The following ZSWIM5 variants were observed in gnomAD, a reference collection of about 807,000 sequenced individuals.
ZSWIM5 encodes the protein zinc finger SWIM-type containing 5.
ZSWIM5 carries 55 observed loss-of-function variants against 119.6 expected under a neutral mutation model. The ratio of observed to expected loss-of-function variants is 0.46; its 90% CI spans 0.37 to 0.58. The LOEUF (loss-of-function observed/expected upper bound fraction) is 0.58, where lower values mean the gene tolerates loss of function less well. Among genes scored for constraint, ZSWIM5 ranks in the 20% least tolerant of loss-of-function variants. The pLI is 0.00. For synonymous variants in ZSWIM5, 537 were observed against 606.9 expected, an observed-to-expected ratio of 0.88 and a Z score of 1.69; for missense variants, 1,193 against 1,512.8, an observed-to-expected ratio of 0.79 and a Z score of 3.51.
At chr1:45,098,300 G>T (rs1232406609) in intron 1 of ZSWIM5, among the ~76,000 whole-genome samples, 2 of 152,082 alleles carry the variant, frequency 1.3e-5, no homozygotes, top group African/African-American at 2.4e-5. Context: ...ATATACAAAA[G>T]GTCACTAAAT....
intron 2 of ZSWIM5, among the ~76,000 whole-genome samples, chr1:45,065,586 C>T (rs1645177977): frequency 6.6e-6 from 1 of 152,166 alleles, no homozygotes; most frequent in South Asian, 2.1e-4. Context: ...GAGTTACTAA[C>T]AGTACAACTT....
At chr1:45,204,702 C>T (rs527550888) in intron 1 of ZSWIM5, among the ~76,000 whole-genome samples, 1 of 152,204 alleles carries the variant, frequency 6.6e-6, no homozygotes, top group South Asian at 2.1e-4. Flanking sequence ...CTAAAAACAA[C>T]CTCCCTTCAA....
At chr1:45,181,165 C>T (rs1646016438) in intron 1 of ZSWIM5, among the ~76,000 whole-genome samples, 1 of 151,988 alleles carries the variant, frequency 6.6e-6, no homozygotes, top group African/African-American at 2.4e-5. Flanking sequence ...AAACCAAAGG[C>T]AAAGAAGTTG....
chr1:45,058,669 G>T lies in ZSWIM5; in HGVS notation c.1192C>A (p.Leu398Ile), dbSNP rs765580868. The T allele has an allele frequency of 6.2e-7, 1 of 1,614,106 alleles. No individual in the cohort carries two copies. Among genetic ancestry groups the T allele is most frequent in the Non-Finnish European group, 8.5e-7 (1 of 1,180,050 alleles). The change falls in exon 4 of 14, where the codon CTC (leucine) becomes ATC (isoleucine). Residue 398 changes from leucine to isoleucine, a missense_variant. Leu to Ile is a conservative substitution (Grantham distance 5). Coordinates refer to ENST00000359600, the MANE Select transcript of ZSWIM5 (RefSeq NM_020883.2). Reference sequence around the variant, plus strand: ...ATGTTTGTTCCTTGCTGCCTCCAGAGTGTGAGTCGTGGGTCAGCCACAAAC... The same window carrying T: ...ATGTTTGTTCCTTGCTGCCTCCAGATTGTGAGTCGTGGGTCAGCCACAAAC... ...EQFVADPRLT[L>I]WRQQGTNMTD...
intron 1 of ZSWIM5, among the ~76,000 whole-genome samples, chr1:45,119,673 C>A (rs751004458): frequency 6.6e-6 from 1 of 152,180 alleles, no homozygotes; most frequent in African/African-American, 2.4e-5. Flanking sequence ...CACTCATCGT[C>A]AGTAGCTGTC....
intron 4 of ZSWIM5, among the ~76,000 whole-genome samples, chr1:45,056,163 G>A (rs1341581553): frequency 6.6e-6 from 1 of 152,158 alleles, no homozygotes; most frequent in Non-Finnish European, 1.5e-5. Flanking sequence ...AAAGAATGGA[G>A]GGGAGCAAAT....
At chr1:45,125,994 G>T (rs1645618835) in intron 1 of ZSWIM5, among the ~76,000 whole-genome samples, 1 of 151,928 alleles carries the variant, frequency 6.6e-6, no homozygotes, top group African/African-American at 2.4e-5. Flanking sequence ...CTTGAACCCA[G>T]GAGCTTGAGG....
At chr1:45,180,394 T>G (rs891164800) in intron 1 of ZSWIM5, among the ~76,000 whole-genome samples, 2 of 152,234 alleles carry the variant, frequency 1.3e-5, no homozygotes, top group African/African-American at 2.4e-5. Flanking sequence ...CGCCTGCCAT[T>G]GCCCAGGCTT....
chr1:45,100,522 C>T (rs947724917), intron 1 of ZSWIM5, among the ~76,000 whole-genome samples: 1 of 152,232 alleles, frequency 6.6e-6, no homozygotes, highest in Non-Finnish European at 1.5e-5. Flanking sequence ...CTACCAATGA[C>T]TTTCTTCACA....
At chr1:45,128,702 AAT>A (rs1645636355) in intron 1 of ZSWIM5, among the ~76,000 whole-genome samples, 1 of 152,196 alleles carries the variant, frequency 6.6e-6, no homozygotes, top group Admixed American at 6.5e-5. Flanking sequence ...ATAAATGCAT[AAT>A]GCCATGTATC....
chr1:45,028,651 G>A (rs1296412897), intron 11 of ZSWIM5, among the ~76,000 whole-genome samples: 1 of 152,048 alleles, frequency 6.6e-6, no homozygotes, highest in East Asian at 1.9e-4. Context: ...AGCTCCTCAG[G>A]AGGCTGAGGC....
chr1:45,201,762 C>T (rs1646159612), intron 1 of ZSWIM5, among the ~76,000 whole-genome samples: 1 of 152,116 alleles, frequency 6.6e-6, no homozygotes, highest in Non-Finnish European at 1.5e-5. Flanking sequence ...TGATAAATCA[C>T]CATTCGTCAC....
At chr1:45,026,521 G>A (rs1174688166) in intron 11 of ZSWIM5, among the ~76,000 whole-genome samples, 2 of 151,884 alleles carry the variant, frequency 1.3e-5, no homozygotes, top group Non-Finnish European at 2.9e-5. Flanking sequence ...TGGAATTAAC[G>A]GATTCCATTC....
chr1:45,107,272 A>C (rs112905660), intron 1 of ZSWIM5, among the ~76,000 whole-genome samples: 2,292 of 152,304 alleles, frequency 0.015, 75 homozygotes, highest in African/African-American at 0.053. Context: ...CGTGTATAAA[A>C]AAGGTAAAAT....
chr1:45,194,373 C>A (rs1646109835), intron 1 of ZSWIM5, among the ~76,000 whole-genome samples: 1 of 151,988 alleles, frequency 6.6e-6, no homozygotes, highest in African/African-American at 2.4e-5. Flanking sequence ...AAAGAAGCAA[C>A]AATTTTTTTT....
intron 11 of ZSWIM5, among the ~76,000 whole-genome samples, chr1:45,028,192 G>T (rs1644931449): frequency 1.3e-5 from 2 of 152,182 alleles, no homozygotes; most frequent in African/African-American, 2.4e-5. Flanking sequence ...ATGCACAAAA[G>T]ATTTAAATTT....
chr1:45,112,036 C>T (rs1248489179), intron 1 of ZSWIM5, among the ~76,000 whole-genome samples: 1 of 152,174 alleles, frequency 6.6e-6, no homozygotes. Context: ...ATAATTGACA[C>T]ACCATAATTG....
At chr1:45,145,898 T>C (rs1043460889) in intron 1 of ZSWIM5, among the ~76,000 whole-genome samples, 5 of 151,968 alleles carry the variant, frequency 3.3e-5, no homozygotes, top group African/African-American at 7.3e-5. Flanking sequence ...GCTAACAAGG[T>C]AGGAGAAAAA....
rs759352434 is a variant in ZSWIM5 at position 45,088,229 on chromosome 1, G to C, written c.604C>G (p.Leu202Val). The C allele has an allele frequency of 6.3e-7, 1 of 1,588,938 alleles. No homozygotes were observed. Residue 202 changes from leucine to valine, a missense_variant, in exon 2 of 14, where the codon CTG (leucine) becomes GTG (valine). By Grantham distance (32) the Leu-to-Val change is conservative (BLOSUM62 1). Transcript: ENST00000359600. This position sits in a 1 kb window ranked among gnomAD's most constrained non-coding sequence, Gnocchi z 4.2. ...GCCAGCTCAGTTACTGTGCCACTCA[G>C]ATGAAAGCCTAAGGAAACACAAAAG... ...VENVLQVGFH[L>V]SGTVTELATA...
Sources: allele counts gnomAD v4.1 joint callset (sites outside exome capture counted in the v4.1 genomes callset), GRCh38; gene constraint gnomAD v4.1.1; non-coding constraint Gnocchi (gnomAD v3.1); transcripts MANE v1.5; gene names NCBI Gene and HGNC (gene_info 2026-07-23, HGNC 2026-07-21).